CCDC136: variants seen among roughly 807,000 people sequenced by gnomAD.
The protein encoded by CCDC136 is coiled-coil domain-containing protein 136.
A neutral mutation model predicts 141.2 loss-of-function variants in CCDC136; 100 were observed. The ratio of observed to expected loss-of-function variants is 0.71; its 90% CI spans 0.60 to 0.84. The LOEUF (loss-of-function observed/expected upper bound fraction) is 0.84, where lower values mean the gene tolerates loss of function less well. Among genes scored for constraint, CCDC136 ranks in the 40% least tolerant of loss-of-function variants. The pLI is 0.00. For missense variants in CCDC136, 1,206 were observed against 1,379.4 expected (o/e 0.87, Z 1.99); for synonymous variants, 474 against 531.9 (o/e 0.89, Z 1.50).
chr7:128,808,717 G>T, intron 10 of CCDC136: 1 of 985,390 alleles, frequency 1.0e-6, no homozygotes, highest in Non-Finnish European at 1.2e-6. Context: ...TCTATATCCA[G>T]GCTCACGTTT....
rs760167467 is a variant in CCDC136 at position 128,794,339 on chromosome 7, G to C, written c.17-9G>C. ...GCTGACTCCTTGGTGGGATGGCTGT[G>C]TCTCCTAGGGGAGGTGTTACTCCCA... On this transcript the variant is annotated splice_polypyrimidine_tract_variant and intron_variant, in intron 1 of 17. Coordinates refer to ENST00000297788, the MANE Select transcript of CCDC136 (RefSeq NM_022742.5). This position sits in a 1 kb window ranked among gnomAD's most constrained non-coding sequence, Gnocchi z 4.3. 6.4e-7 allele frequency: 1 copy of C among 1,552,054 alleles called. No individual in the cohort carries two copies. Among genetic ancestry groups the C allele is most frequent in the Non-Finnish European group, 8.7e-7 (1 of 1,147,120 alleles).
intron 17 of CCDC136, among the ~76,000 whole-genome samples, chr7:128,818,507 C>T (rs575659951): frequency 3.3e-5 from 5 of 152,200 alleles, no homozygotes; most frequent in African/African-American, 7.2e-5. Flanking sequence ...TTCCAGTCTC[C>T]GGAAAAGTCA....
chr7:128,821,869 A>G lies in CCDC136; in HGVS notation c.*76A>G. 7.8e-7 allele frequency: 1 copy of G among 1,290,186 alleles called. No homozygotes were observed. The highest frequency in any genetic ancestry group is 1.0e-6 in the Non-Finnish European group (1 of 988,958). The allele number at this position is 1,290,186 out of a possible 1,614,324, so 79.9% of individuals were successfully genotyped here. A position where few individuals can be genotyped will look rare whatever the true frequency, so the allele number is the denominator to read the frequency against. Reference sequence around the variant, plus strand: ...GCTGTGGCTCTGTATGTGTTACCCAACATGCGACAGCAGGAGTCAGAGTTC... The same window carrying G: ...GCTGTGGCTCTGTATGTGTTACCCAGCATGCGACAGCAGGAGTCAGAGTTC... On this transcript the variant is annotated 3_prime_UTR_variant, in exon 18 of 18. Transcript: ENST00000297788. The surrounding 1 kb of genome is among the most constrained non-coding windows in gnomAD (Gnocchi z 5.1).
chr7:128,801,502 G>C lies in CCDC136; in HGVS notation c.663G>C (p.Gly221=), dbSNP rs3816886. 4.6e-3 allele frequency: 7,295 copies of C among 1,599,468 alleles called. 153 individuals carry two copies. The highest frequency in any genetic ancestry group is 0.043 in the East Asian group (1,904 of 44,516). ...SGSLGLSDYS[G]LQEELQELRE... ...GTTTAGGTCTCTCAGATTACTCTGGGTTACAAGGTATGAGAGCCATCAAGT... is the reference window on the plus strand; with the variant it reads ...GTTTAGGTCTCTCAGATTACTCTGGCTTACAAGGTATGAGAGCCATCAAGT... Residue 221 remains glycine, a synonymous_variant, in exon 4 of 18, where the codon GGG becomes GGC. Transcript: ENST00000297788.
intron 12 of CCDC136, among the ~76,000 whole-genome samples, chr7:128,811,596 C>G (rs1415192059): frequency 6.6e-6 from 1 of 152,130 alleles, no homozygotes; most frequent in East Asian, 1.9e-4. Flanking sequence ...GAGTATCTGC[C>G]CTGGGGAGAT....
At position 128,809,434 on chromosome 7, in the gene CCDC136, C is replaced by G. The variant is rs1023819834; in HGVS notation, c.1606-16C>G. ...TACAGAGTAACCACCCCCTCCACAC[C>G]CGCCCCCACCCACAGTGTGACACAC... On this transcript the variant is annotated splice_polypyrimidine_tract_variant and intron_variant, in intron 10 of 17. Coordinates refer to ENST00000297788, the MANE Select transcript of CCDC136 (RefSeq NM_022742.5). 94 of 1,467,752 alleles carry G rather than the reference C, an allele frequency of 6.4e-5. No individual in the cohort carries two copies. The highest frequency in any genetic ancestry group is 8.6e-5 in the Non-Finnish European group (93 of 1,078,348). The allele number at this position is 1,467,752 out of a possible 1,614,324, so 90.9% of individuals were successfully genotyped here.
intron 4 of CCDC136, among the ~76,000 whole-genome samples, chr7:128,802,029 C>A (rs1804104726): frequency 6.6e-6 from 1 of 152,162 alleles, no homozygotes; most frequent in African/African-American, 2.4e-5. Flanking sequence ...TGGTGCTTTG[C>A]CTGGAATGCT....
At chr7:128,806,968 G>A (rs1804955458) in intron 9 of CCDC136, 110 bp downstream of exon 9, 1 of 1,161,966 alleles carries the variant, frequency 8.6e-7, no homozygotes, top group Admixed American at 2.9e-5. Context: ...CTGGCAGTGA[G>A]GGGGCCAAAG....
chr7:128,821,687 G>A lies in CCDC136; in HGVS notation c.*6-112G>A, dbSNP rs1339436487. 8 of 772,854 alleles carry A rather than the reference G, an allele frequency of 1.0e-5. No homozygotes were observed. The highest frequency in any genetic ancestry group is 7.5e-5 in the Admixed American group (3 of 39,850). The allele number at this position is 772,854 out of a possible 1,614,324, so 47.9% of individuals were successfully genotyped here. Reference sequence around the variant, plus strand: ...CACCGGTTACCCAGGAGGTAACAGAGACTGATCCACAATGTTCCTGAGGTG... The same window carrying A: ...CACCGGTTACCCAGGAGGTAACAGAAACTGATCCACAATGTTCCTGAGGTG... On this transcript the variant is annotated intron_variant, in intron 17 of 17. Transcript: ENST00000297788. This position sits in a 1 kb window ranked among gnomAD's most constrained non-coding sequence, Gnocchi z 5.1.
In CCDC136 at chr7:128,810,188, T is replaced by C. The variant is rs764229697; in HGVS notation, c.1850T>C (p.Leu617Pro). 1.9e-6 allele frequency: 3 copies of C among 1,608,086 alleles called. No homozygotes were observed. Among genetic ancestry groups the C allele is most frequent in the South Asian group, 2.2e-5 (2 of 89,732 alleles). The change falls in exon 12 of 18, where the codon CTC becomes CCC. Residue 617 changes from leucine (L) to proline (P), a missense_variant. Coordinates refer to ENST00000297788, the MANE Select transcript of CCDC136 (RefSeq NM_022742.5). Reference protein sequence around the residue: ...KLEDLCELQLLYQGMQEEQKK... With the variant: ...KLEDLCELQLPYQGMQEEQKK... The stretch of plus-strand genomic sequence containing the variant: ...GAAGACCTGTGTGAGCTGCAGCTGC[T>C]CTACCAAGGCATGCAGGAGGAACAG...
chr7:128,811,419 G>A, intron 12 of CCDC136: 1 of 458,354 alleles, frequency 2.2e-6, no homozygotes, highest in South Asian at 1.6e-5. Context: ...AGAACTAGGG[G>A]TGGGCGAGGG....
intron 14 of CCDC136, among the ~76,000 whole-genome samples, chr7:128,814,220 G>A (rs1332131941): frequency 1.3e-5 from 2 of 151,762 alleles, no homozygotes; most frequent in Non-Finnish European, 2.9e-5. Context: ...CAAGTTTCTG[G>A]GACTACAGGC....
Position 128,812,769 on chromosome 7 carries a change from A to T in CCDC136, c.2603A>T (p.Gln868Leu). 1 of 1,613,616 alleles carries T rather than the reference A, an allele frequency of 6.2e-7. No homozygotes were observed. The highest frequency in any genetic ancestry group is 1.7e-4 in the Middle Eastern group (1 of 6,054). ...CTGCAGGCGGTGCAGGCCATGTACCAGATAAGCCAGGAGGAACACAGCCAG... is the reference window on the plus strand; with the variant it reads ...CTGCAGGCGGTGCAGGCCATGTACCTGATAAGCCAGGAGGAACACAGCCAG... ...IKLQAVQAMY[Q>L]ISQEEHSQLQ... Residue 868 changes from glutamine (Q) to leucine (L), a missense_variant, in exon 14 of 18, where the codon CAG becomes CTG. Gln to Leu is a moderately radical substitution (Grantham distance 113, BLOSUM62 -2). Transcript: ENST00000297788.
chr7:128,812,845 A>T lies in CCDC136; in HGVS notation c.2679A>T (p.Glu893Asp). ...TGGCCAAGCAGAAAGACCTGAAGGA[A>T]GAGCTGGATGCCTGTGAAAGGGAGT... ...KLLAKQKDLK[E>D]ELDACEREFK... Residue 893 changes from glutamate to aspartate, a missense_variant, in exon 14 of 18, where the codon GAA becomes GAT. Transcript: ENST00000297788. The T allele has an allele frequency of 1.2e-6, 2 of 1,609,624 alleles. No homozygotes were observed. The highest frequency in any genetic ancestry group is 2.7e-5 in the African/African-American group (2 of 74,800).
At chr7:128,810,737 ACT>A (rs1805588162) in intron 12 of CCDC136, among the ~76,000 whole-genome samples, 1 of 152,156 alleles carries the variant, frequency 6.6e-6, no homozygotes, top group Admixed American at 6.5e-5. Flanking sequence ...CTTTGGACTG[ACT>A]CTAAATGTCA....
intron 1 of CCDC136, among the ~76,000 whole-genome samples, chr7:128,793,478 C>T (rs1056620077): frequency 1.4e-4 from 21 of 152,234 alleles, no homozygotes; most frequent in Admixed American, 5.9e-4. Context: ...TTTGAAAGGG[C>T]GCCCGAGTTT....
At chr7:128,801,893 T>G (rs941972226) in intron 4 of CCDC136, among the ~76,000 whole-genome samples, 1 of 152,212 alleles carries the variant, frequency 6.6e-6, no homozygotes, top group Non-Finnish European at 1.5e-5. Flanking sequence ...TGGGAATTCT[T>G]CAGAGAGTCA....
At chr7:128,796,724 T>TAC in intron 3 of CCDC136, among the ~76,000 whole-genome samples, 1 of 121,736 alleles carries the variant, frequency 8.2e-6, no homozygotes, top group Non-Finnish European at 1.6e-5. Context: ...TGATTCAGAA[T>TAC]ATATATATAT....
chr7:128,807,316 C>T, intron 9 of CCDC136, 44 bp from the exon 10 acceptor site: 3 of 1,369,398 alleles, frequency 2.2e-6, no homozygotes, highest in Non-Finnish European at 2.9e-6. Flanking sequence ...AGTCCAGCAG[C>T]AGGAGTGCCT....
Sources: gnomAD v4.1 joint callset for allele counts (sites outside exome capture counted in the v4.1 genomes callset) on GRCh38, gnomAD v4.1.1 for gene constraint, Gnocchi (gnomAD v3.1) non-coding constraint, MANE v1.5 for transcripts, NCBI Gene and HGNC (gene_info 2026-07-23, HGNC 2026-07-21) for gene names.